ATP9A: variants seen among roughly 807,000 people sequenced by gnomAD.
The protein encoded by ATP9A is ATPase phospholipid transporting 9A.
ATP9A carries 52 observed loss-of-function variants against 144.1 expected under a neutral mutation model. That is an observed-to-expected ratio of 0.36 (90% CI 0.29 to 0.45). The LOEUF (loss-of-function observed/expected upper bound fraction) is 0.45. ATP9A is among the 20% of genes least tolerant of loss of function. The pLI is 1.00. For missense variants in ATP9A, 947 were observed against 1,392.7 expected, an observed-to-expected ratio of 0.68 and a Z score of 5.09; for synonymous variants, 582 against 557.4, an observed-to-expected ratio of 1.04 and a Z score of -0.62.
intron 4 of ATP9A, among the ~76,000 whole-genome samples, chr20:51,711,378 T>C (rs745620928): frequency 1.3e-5 from 2 of 152,168 alleles, no homozygotes; most frequent in Non-Finnish European, 2.9e-5. Flanking sequence ...AAAACTCTAC[T>C]GAAAACCCCG....
intron 9 of ATP9A, among the ~76,000 whole-genome samples, chr20:51,679,384 T>C (rs757958282): frequency 3.9e-5 from 6 of 152,198 alleles, no homozygotes; most frequent in Non-Finnish European, 8.8e-5. Context: ...GAAGATCTGA[T>C]GACACTGAGT....
chr20:51,664,259 A>G (rs1320409712), intron 13 of ATP9A, among the ~76,000 whole-genome samples: 1 of 152,168 alleles, frequency 6.6e-6, no homozygotes, highest in Non-Finnish European at 1.5e-5. Flanking sequence ...AACATTACAA[A>G]ACAAGAAAAA....
intron 14 of ATP9A, among the ~76,000 whole-genome samples, chr20:51,649,351 C>T (rs74753150): frequency 0.011 from 1,743 of 152,296 alleles, 40 homozygotes; most frequent in African/African-American, 0.04. Context: ...TGGTTTTAAT[C>T]GTGCCAGCTA....
chr20:51,609,213 G>C (rs996049287), intron 24 of ATP9A, among the ~76,000 whole-genome samples: 1 of 152,088 alleles, frequency 6.6e-6, no homozygotes, highest in Non-Finnish European at 1.5e-5. Flanking sequence ...AAGGTCGCAC[G>C]GCGCACAGCT....
rs187624850 is a variant in ATP9A at position 51,650,576 on chromosome 20, G to C, written c.1506+6362C>G. On this transcript the variant is annotated intron_variant, in intron 14 of 27. Transcript: ENST00000338821. ...ATAAAAAATATATATATATTTTAATGAAGCGTGAGGGTAATTCTAATACAT... is the reference window on the plus strand; with the variant it reads ...ATAAAAAATATATATATATTTTAATCAAGCGTGAGGGTAATTCTAATACAT... Among the ~76,000 whole-genome samples the C allele has an allele frequency of 3.1e-3, 477 of 151,948 alleles. 3 individuals are homozygous for C. Among genetic ancestry groups the C allele is most frequent in the Admixed American group, 4.8e-3 (74 of 15,262 alleles).
intron 18 of ATP9A, 38 bp downstream of exon 18, chr20:51,625,154 G>A: frequency 6.3e-7 from 1 of 1,578,008 alleles, no homozygotes. Context: ...AACTGGCATT[G>A]CCCTGGAGTG....
At chr20:51,609,898 C>T (rs1481931934) in intron 24 of ATP9A, among the ~76,000 whole-genome samples, 1 of 152,208 alleles carries the variant, frequency 6.6e-6, no homozygotes, top group African/African-American at 2.4e-5. Flanking sequence ...ACTCCACTTC[C>T]TCCATCTGGT....
chr20:51,669,572 C>A (rs760885842), intron 13 of ATP9A, among the ~76,000 whole-genome samples: 1 of 152,128 alleles, frequency 6.6e-6, no homozygotes, highest in Admixed American at 6.6e-5. Context: ...TCAACGTGGT[C>A]GTAAACTTGA....
At chr20:51,603,533 G>GTGGCC (rs1016515138) in intron 27 of ATP9A, among the ~76,000 whole-genome samples, 106 of 152,198 alleles carry the variant, frequency 7.0e-4, no homozygotes, top group African/African-American at 2.4e-3. Flanking sequence ...GGTCATCTTG[G>GTGGCC]TGGCCCTGCA....
intron 1 of ATP9A, among the ~76,000 whole-genome samples, chr20:51,753,293 A>G (rs775608787): frequency 8.5e-5 from 13 of 152,206 alleles, no homozygotes; most frequent in Non-Finnish European, 1.8e-4. Flanking sequence ...AAAAACACAA[A>G]AATTAGCTGG....
intron 13 of ATP9A, among the ~76,000 whole-genome samples, chr20:51,663,152 T>C (rs2077418031): frequency 6.6e-6 from 1 of 152,214 alleles, no homozygotes; most frequent in Non-Finnish European, 1.5e-5. Context: ...TATTTATATT[T>C]ATATTTTTAA....
rs761706072 is a variant in ATP9A at position 51,690,751 on chromosome 20, T to C, written c.711A>G (p.Gly237=). The change falls in exon 8 of 28, where the codon GGA becomes GGG. Residue 237 remains glycine (G), a synonymous_variant. Coordinates refer to ENST00000338821, the MANE Select transcript of ATP9A (RefSeq NM_006045.3). Reference sequence around the variant, plus strand: ...GAAGCTCACTTACTCGGGTAAAAGTTCCCACGAAGTTGTGAATGTCAATAT... The same window carrying C: ...GAAGCTCACTTACTCGGGTAAAAGTCCCCACGAAGTTGTGAATGTCAATAT... The part of the protein sequence containing the change: ...EPNIDIHNFV[G]TFTREDSDPP... The C allele has an allele frequency of 6.8e-6, 11 of 1,614,028 alleles. No homozygotes were observed. The highest frequency in any genetic ancestry group is 9.3e-6 in the Non-Finnish European group (11 of 1,179,910).
At chr20:51,714,720 G>A (rs995032538) in intron 3 of ATP9A, among the ~76,000 whole-genome samples, 2 of 152,176 alleles carry the variant, frequency 1.3e-5, no homozygotes, top group African/African-American at 2.4e-5. Context: ...CTGAGCTCAC[G>A]CAATTCACCC....
chr20:51,633,771 G>T (rs992393305), intron 15 of ATP9A, among the ~76,000 whole-genome samples: 3 of 143,514 alleles, frequency 2.1e-5, no homozygotes, highest in African/African-American at 7.8e-5. Flanking sequence ...GAAGAGAAAA[G>T]AAAAAAAGGG....
chr20:51,651,403 A>C (rs945494828), intron 14 of ATP9A, among the ~76,000 whole-genome samples: 2 of 144,274 alleles, frequency 1.4e-5, no homozygotes, highest in African/African-American at 5.0e-5. Context: ...GTAAATATTT[A>C]CATATTATAA....
chr20:51,679,338 TA>T (rs1182723778), intron 9 of ATP9A, among the ~76,000 whole-genome samples: 1 of 151,910 alleles, frequency 6.6e-6, no homozygotes, highest in African/African-American at 2.4e-5. Context: ...AACAAAATTC[TA>T]AAAAAAGAGA....
intron 1 of ATP9A, among the ~76,000 whole-genome samples, chr20:51,759,602 G>C (rs911487461): frequency 7.2e-5 from 11 of 152,072 alleles, no homozygotes; most frequent in Non-Finnish European, 1.3e-4. Flanking sequence ...GAACCTCAGA[G>C]GCAGAGGTTG....
At chr20:51,745,725 C>T (rs767570766) in intron 1 of ATP9A, among the ~76,000 whole-genome samples, 4 of 152,150 alleles carry the variant, frequency 2.6e-5, no homozygotes, top group Non-Finnish European at 5.9e-5. Flanking sequence ...GCCCACTAGG[C>T]TTCTGTGATG....
At chr20:51,746,717 T>C (rs2077809858) in intron 1 of ATP9A, among the ~76,000 whole-genome samples, 1 of 152,210 alleles carries the variant, frequency 6.6e-6, no homozygotes, top group Non-Finnish European at 1.5e-5. Context: ...GGGACACCTG[T>C]AGTCCCAGCT....
Sources: gnomAD v4.1 joint callset for allele counts (sites outside exome capture counted in the v4.1 genomes callset) on GRCh38, gnomAD v4.1.1 for gene constraint, MANE v1.5 for transcripts, NCBI Gene and HGNC (gene_info 2026-07-23, HGNC 2026-07-21) for gene names.